Variants in YBX3 observed in about 807,000 individuals in gnomAD.
YBX3 encodes Y-box-binding protein 3.
YBX3 carries 29 observed loss-of-function variants against 42.4 expected under a neutral mutation model. That is an observed-to-expected ratio of 0.68 (90% confidence interval 0.51 to 0.93). The LOEUF is 0.93. YBX3 is among the 40% of genes least tolerant of loss of function. The pLI is 0.00. For synonymous variants in YBX3, 195 were observed against 189.8 expected (o/e 1.03, Z -0.22); for missense variants, 517 against 527.5 (o/e 0.98, Z 0.19).
In YBX3 at chr12:10,700,487, T is replaced by A. The variant is rs543060385; in HGVS notation, c.*34+767A>T. On this transcript the variant is annotated intron_variant, in intron 9 of 9. Coordinates refer to ENST00000228251, the MANE Select transcript of YBX3 (RefSeq NM_003651.5). ...TAAAAAAAAACAAACCCAGAATTTATAATTGAGTTGATCTTTCTGGCTATA... is the reference window on the plus strand; with the variant it reads ...TAAAAAAAAACAAACCCAGAATTTAAAATTGAGTTGATCTTTCTGGCTATA... Among the ~76,000 whole-genome samples, 7 of 152,242 alleles carry A rather than the reference T, an allele frequency of 4.6e-5. No individual in the cohort carries two copies. The South Asian group carries it at 1.0e-3, about 23-fold the overall frequency.
chr12:10,714,546 G>A (rs1191239677), intron 4 of YBX3, among the ~76,000 whole-genome samples: 4 of 152,060 alleles, frequency 2.6e-5, no homozygotes, highest in Non-Finnish European at 5.9e-5. Flanking sequence ...CAGTTCACCC[G>A]GACGAAGCTA....
intron 5 of YBX3, chr12:10,711,264 T>C (rs1451249717): frequency 6.6e-6 from 1 of 152,144 alleles, no homozygotes; most frequent in African/African-American, 2.4e-5. Context: ...TATGCAAATG[T>C]CTTTAATGGG....
chr12:10,706,640 C>T (rs1465075927), intron 6 of YBX3, among the ~76,000 whole-genome samples: 2 of 152,166 alleles, frequency 1.3e-5, no homozygotes, highest in Non-Finnish European at 2.9e-5. Context: ...TGTCCCAGAA[C>T]TTGATCCTAG....
chr12:10,720,673 G>A (rs760299379), intron 1 of YBX3: 3 of 151,992 alleles, frequency 2.0e-5, no homozygotes, highest in Admixed American at 6.6e-5. Flanking sequence ...TAATTACCTG[G>A]GAAAATATAA....
chr12:10,716,043 G>T (rs926406496), intron 3 of YBX3: 1 of 433,528 alleles, frequency 2.3e-6, no homozygotes, highest in Non-Finnish European at 4.3e-6. Context: ...ACTGCAGTGT[G>T]TGCAGTGACT....
intron 4 of YBX3, among the ~76,000 whole-genome samples, chr12:10,714,952 G>A (rs1329297634): frequency 6.6e-6 from 1 of 151,706 alleles, no homozygotes; most frequent in Admixed American, 6.6e-5. Context: ...GTTTCACCAT[G>A]TTGGCCAGGC....
rs552970132 is a variant in YBX3, at chr12:10,710,010, G to A, written c.678C>T (p.Pro226=). 6.2e-7 allele frequency: 1 copy of A among 1,612,218 alleles called. No homozygotes were observed. The part of the protein sequence containing the change: ...FSGARNQLRR[P]QYRPQYRQRR... ...GCTGCCGGTACTGAGGGCGATACTG[G>A]GGGCGGCGCAGCTGATTCCGGGCCC... The change falls in exon 6 of 10, where the codon CCC becomes CCT. Residue 226 remains proline (P), a synonymous_variant. Transcript: ENST00000228251.
Position 10,703,609 on chromosome 12 carries a change from C to T in YBX3, c.878+442G>A, listed in dbSNP as rs548208548. The T allele has an allele frequency of 8.8e-4, 384 of 433,982 alleles. 4 individuals carry two copies. The highest frequency in any genetic ancestry group is 5.5e-3 in the South Asian group (332 of 60,210). 26.9% of individuals were successfully genotyped at this position (433,982 alleles called of 1,614,324 possible). On this transcript the variant is annotated intron_variant, in intron 7 of 9. Coordinates refer to ENST00000228251, the MANE Select transcript of YBX3 (RefSeq NM_003651.5). ...GGCTGGAATGCAGTCCAAGAACATA[C>T]ATCTAATGAACTGTAGAGTAGGAAG...
chr12:10,703,851 T>C (rs1480120189), intron 7 of YBX3, 200 bp downstream of exon 7: 1 of 522,358 alleles, frequency 1.9e-6, no homozygotes, highest in African/African-American at 1.9e-5. Flanking sequence ...AAAATGACGC[T>C]TTGGCGCAGA....
At chr12:10,711,422 G>C (rs533027763) in intron 5 of YBX3, 1 of 152,074 alleles carries the variant, frequency 6.6e-6, no homozygotes, top group East Asian at 1.9e-4. Flanking sequence ...GCCTCAACTA[G>C]TCTAACTTCA....
At chr12:10,707,414 A>AT (rs1948150538) in intron 6 of YBX3, among the ~76,000 whole-genome samples, 1 of 152,218 alleles carries the variant, frequency 6.6e-6, no homozygotes, top group Non-Finnish European at 1.5e-5. Context: ...CTCATACAAT[A>AT]TATTACCATT....
chr12:10,718,141 T>C lies in YBX3; in HGVS notation c.327-20A>G. 2 of 1,611,346 alleles carry C rather than the reference T, an allele frequency of 1.2e-6. No individual in the cohort carries two copies. The highest frequency in any genetic ancestry group is 1.7e-6 in the Non-Finnish European group (2 of 1,178,674). On this transcript the variant is annotated intron_variant, in intron 2 of 9. Transcript: ENST00000228251. ...TCATTTCTGTTGAAAGACAAAAAGCTCACAATTAAAGGTAGTACGTATGTG... is the reference window on the plus strand; with the variant it reads ...TCATTTCTGTTGAAAGACAAAAAGCCCACAATTAAAGGTAGTACGTATGTG...
rs779760100 is a variant in YBX3, at chr12:10,709,950, A to C, written c.738T>G (p.Phe246Leu). 1.2e-6 allele frequency: 2 copies of C among 1,614,110 alleles called. No individual in the cohort carries two copies. The highest frequency in any genetic ancestry group is 1.7e-6 in the Non-Finnish European group (2 of 1,180,036). Reference protein sequence around the residue: ...RFPPYHVGQTFDRRSRVLPHP... With the variant: ...RFPPYHVGQTLDRRSRVLPHP... ...GGGGTAAGACCCGTGAGCGACGGTC[A>C]AAGGTCTGTCCCACGTGGTAAGGCG... The change falls in exon 6 of 10, where the codon TTT becomes TTG. Residue 246 changes from phenylalanine to leucine, a missense_variant. Physicochemically the swap from Phe to Leu is conservative, Grantham distance 22. Coordinates refer to ENST00000228251, the MANE Select transcript of YBX3 (RefSeq NM_003651.5).
chr12:10,704,042 G>T lies in YBX3; in HGVS notation c.878+9C>A. The T allele has an allele frequency of 1.2e-6, 2 of 1,613,960 alleles. No individual in the cohort carries two copies. Among genetic ancestry groups the T allele is most frequent in the Non-Finnish European group, 1.7e-6 (2 of 1,179,876 alleles). On this transcript the variant is annotated intron_variant, in intron 7 of 9. Coordinates refer to ENST00000228251, the MANE Select transcript of YBX3 (RefSeq NM_003651.5). ...CTTTAACTGGCCATTAGTGGAAAAT[G>T]CGACATACCTACGGTACCTTGGGCG...
chr12:10,718,566 G>C (rs1373671134), intron 2 of YBX3: 1 of 178,134 alleles, frequency 5.6e-6, no homozygotes, highest in Non-Finnish European at 1.2e-5. Context: ...TTAAGAAGGG[G>C]TGGGAAAGCA....
At chr12:10,713,381 C>A in intron 4 of YBX3, 48 bp from the exon 5 acceptor site, 3 of 1,594,908 alleles carry the variant, frequency 1.9e-6, no homozygotes, top group Admixed American at 3.5e-5. Context: ...AGAATATACA[C>A]TAACTCAAAA....
At chr12:10,714,201 A>G (rs1002626038) in intron 4 of YBX3, among the ~76,000 whole-genome samples, 13 of 152,214 alleles carry the variant, frequency 8.5e-5, no homozygotes, top group Non-Finnish European at 1.6e-4. Flanking sequence ...TCTGCATCCA[A>G]TGAAATAAAT....
chr12:10,722,344 T>C (rs545991643), intron 1 of YBX3: 1 of 152,458 alleles, frequency 6.6e-6, no homozygotes, highest in Non-Finnish European at 1.5e-5. Context: ...AAGAAGCTTT[T>C]CTATCTTTCC....
In YBX3 at chr12:10,715,763, G is replaced by T; in HGVS notation, c.381C>A (p.Asn127Lys). Residue 127 changes from asparagine to lysine, a missense_variant, in exon 4 of 10, where the codon AAC (asparagine) becomes AAA (lysine). Asn to Lys is a moderately conservative substitution (Grantham distance 94). Transcript: ENST00000228251. ...CTACACTGCGCAGATATTTCCGTGGGTTATTCTTCTTGATGGCAGTCTGGA... is the reference window on the plus strand; with the variant it reads ...CTACACTGCGCAGATATTTCCGTGGTTTATTCTTCTTGATGGCAGTCTGGA... ...FVHQTAIKKNNPRKYLRSVGD... is the reference protein window; with the variant it reads ...FVHQTAIKKNKPRKYLRSVGD... 6.2e-7 allele frequency: 1 copy of T among 1,613,920 alleles called. No homozygotes were observed. Among genetic ancestry groups the T allele is most frequent in the Non-Finnish European group, 8.5e-7 (1 of 1,179,926 alleles).
Sources: gnomAD v4.1 joint callset for allele counts (sites outside exome capture counted in the v4.1 genomes callset) on GRCh38, gnomAD v4.1.1 for gene constraint, MANE v1.5 for transcripts, NCBI Gene and HGNC (gene_info 2026-07-23, HGNC 2026-07-21) for gene names.